The following SIGLEC7 variants were observed in gnomAD, a reference collection of about 807,000 sequenced individuals.
SIGLEC7 encodes sialic acid binding Ig like lectin 7, also known as sialic acid-binding Ig-like lectin 7.
Under a neutral mutation model 40.8 loss-of-function variants are expected in SIGLEC7, and 33 were observed. The ratio of observed to expected loss-of-function variants is 0.81; its 90% CI spans 0.61 to 1.08. SIGLEC7 has a LOEUF of 1.08. SIGLEC7 is among the 50% of genes least tolerant of loss of function. The probability of loss-of-function intolerance (pLI) is 0.00; values close to 1 mark genes in which losing one functional copy is unlikely to be tolerated. For synonymous variants in SIGLEC7, 242 were observed against 237.6 expected, an observed-to-expected ratio of 1.02 and a Z score of -0.17; for missense variants, 513 against 576.1, an observed-to-expected ratio of 0.89 and a Z score of 1.12.
chr19:51,143,244 C>CACA (rs2092082117), intron 1 of SIGLEC7, among the ~76,000 whole-genome samples: 1 of 152,104 alleles, frequency 6.6e-6, no homozygotes, highest in South Asian at 2.1e-4. Context: ...CTTAGGTCTA[C>CACA]ACAACCCCGT....
intron 1 of SIGLEC7, among the ~76,000 whole-genome samples, chr19:51,143,385 T>C (rs553324284): frequency 6.6e-6 from 1 of 152,102 alleles, no homozygotes; most frequent in African/African-American, 2.4e-5. Context: ...TCCTCGGAGA[T>C]CCACATTTAG....
Position 51,146,130 on chromosome 19 carries a change from G to A in SIGLEC7, c.1027+9G>A, listed in dbSNP as rs200436003. 8.1e-6 allele frequency: 13 copies of A among 1,612,246 alleles called. No homozygotes were observed. In the East Asian group the frequency reaches 1.6e-4, roughly 19 times the overall value. ...GCAACAGGAGTACACAGGTGGGTAA[G>A]GGAGGGGCTGGAGGAGGAGAACACA... On this transcript the variant is annotated intron_variant, in intron 4 of 6. Transcript: ENST00000317643.
In SIGLEC7 at chr19:51,144,912, A is replaced by C. The variant is rs1382093913; in HGVS notation, c.713A>C (p.Tyr238Ser). The change falls in exon 3 of 7, where the codon TAC (tyrosine) becomes TCC (serine). Residue 238 changes from tyrosine (Y) to serine (S), a missense_variant and splice_region_variant. Transcript: ENST00000317643. ...TNRTIQLNVSYPPQNLTVTVF... is the reference protein window; with the variant it reads ...TNRTIQLNVSSPPQNLTVTVF... ...AGGTCTCCATGTCTTTCTGTCCCAG[A>C]CCCTCCTCAGAACTTGACTGTGACT... The C allele has an allele frequency of 1.2e-6, 2 of 1,613,710 alleles. No homozygotes were observed. The highest frequency in any genetic ancestry group is 1.7e-6 in the Non-Finnish European group (2 of 1,179,876).
intron 6 of SIGLEC7, among the ~76,000 whole-genome samples, 165 bp downstream of exon 6, chr19:51,147,482 G>A (rs562189160): frequency 2.0e-5 from 3 of 152,264 alleles, no homozygotes; most frequent in South Asian, 4.1e-4. Flanking sequence ...CTGACTGCAT[G>A]ACAGTCCCTC....
chr19:51,149,944 G>C (rs1010412948), intron 6 of SIGLEC7, among the ~76,000 whole-genome samples: 3 of 152,116 alleles, frequency 2.0e-5, no homozygotes, highest in African/African-American at 7.2e-5. Flanking sequence ...TGTGACTCTT[G>C]GCTTGGTAGT....
chr19:51,142,891 G>GT lies in SIGLEC7; in HGVS notation c.433+89_433+90insT. On this transcript the variant is annotated intron_variant, in intron 1 of 6. Coordinates refer to ENST00000317643, the MANE Select transcript of SIGLEC7 (RefSeq NM_014385.4). This position sits in a 1 kb window ranked among gnomAD's most constrained non-coding sequence, Gnocchi z 5.0. ...GACGGGACACATGTCCTGGGAGGGGGCCGGGGGTGATGGACTCAGGAGAGG... is the reference window on the plus strand; with the variant it reads ...GACGGGACACATGTCCTGGGAGGGGGTCCGGGGGTGATGGACTCAGGAGAGG... The GT allele has an allele frequency of 1.4e-6, 2 of 1,384,874 alleles. No individual in the cohort carries two copies. The highest frequency in any genetic ancestry group is 1.4e-5 in the South Asian group (1 of 72,186). 85.8% of individuals were successfully genotyped at this position (1,384,874 alleles called of 1,614,324 possible). A position where few individuals can be genotyped will look rare whatever the true frequency, so the allele number is the denominator to read the frequency against.
At chr19:51,143,852 A>G in intron 1 of SIGLEC7, 1 of 432,950 alleles carries the variant, frequency 2.3e-6, no homozygotes, top group Non-Finnish European at 4.6e-6. Flanking sequence ...GTCAAGATAC[A>G]GGCTGGAGGT....
In SIGLEC7 at chr19:51,142,930, C is replaced by A. The variant is rs3793436; in HGVS notation, c.433+128C>A. On this transcript the variant is annotated intron_variant, in intron 1 of 6. Transcript: ENST00000317643. The surrounding 1 kb of genome is among the most constrained non-coding windows in gnomAD (Gnocchi z 5.0). ...ACTCAGGAGAGGAGCTGGACCAGAGCCTGAGCTTCCCCAGGACCGCACCTT... is the reference window on the plus strand; with the variant it reads ...ACTCAGGAGAGGAGCTGGACCAGAGACTGAGCTTCCCCAGGACCGCACCTT... 46,348 of 1,040,990 alleles carry A rather than the reference C, an allele frequency of 0.045. 1,890 individuals are homozygous for A. The highest frequency in any genetic ancestry group is 0.18 in the East Asian group (7,561 of 41,372). 64.5% of individuals were successfully genotyped at this position (1,040,990 alleles called of 1,614,324 possible).
Position 51,144,938 on chromosome 19 carries a change from G to T in SIGLEC7, c.739G>T (p.Val247Phe). Reference protein sequence around the residue: ...SYPPQNLTVTVFQGEGTASTA... With the variant: ...SYPPQNLTVTFFQGEGTASTA... ...CCCTCCTCAGAACTTGACTGTGACT[G>T]TCTTCCAAGGAGAAGGCACAGGTAG... Residue 247 changes from valine (V) to phenylalanine (F), a missense_variant, in exon 3 of 7, where the codon GTC becomes TTC. Coordinates refer to ENST00000317643, the MANE Select transcript of SIGLEC7 (RefSeq NM_014385.4). 1 of 1,614,112 alleles carries T rather than the reference G, an allele frequency of 6.2e-7. No homozygotes were observed. The highest frequency in any genetic ancestry group is 8.5e-7 in the Non-Finnish European group (1 of 1,179,978).
intron 6 of SIGLEC7, among the ~76,000 whole-genome samples, chr19:51,148,334 C>T (rs2092122836): frequency 6.6e-6 from 1 of 152,152 alleles, no homozygotes. Context: ...CCTCTCTCTC[C>T]TCCCACCCTC....
At chr19:51,152,093 G>A (rs1203474536) in intron 6 of SIGLEC7, among the ~76,000 whole-genome samples, 1 of 152,204 alleles carries the variant, frequency 6.6e-6, no homozygotes, top group African/African-American at 2.4e-5. Context: ...CCAAAATCAA[G>A]GCATTGGCAG....
At chr19:51,147,707 C>T (rs2092118702) in intron 6 of SIGLEC7, among the ~76,000 whole-genome samples, 1 of 152,158 alleles carries the variant, frequency 6.6e-6, no homozygotes, top group South Asian at 2.1e-4. Context: ...CTCTTGTGTC[C>T]CCTGCCCTGA....
chr19:51,148,653 T>C (rs908051646), intron 6 of SIGLEC7, among the ~76,000 whole-genome samples: 6 of 152,232 alleles, frequency 3.9e-5, no homozygotes, highest in Non-Finnish European at 5.9e-5. Flanking sequence ...GAACATTTGC[T>C]TGTATGTGTC....
In SIGLEC7 at chr19:51,144,392, C is replaced by T. The variant is rs979230681; in HGVS notation, c.434-14C>T. 4 of 1,596,738 alleles carry T rather than the reference C, an allele frequency of 2.5e-6. No homozygotes were observed. Among genetic ancestry groups the T allele is most frequent in the African/African-American group, 2.7e-5 (2 of 74,726 alleles). On this transcript the variant is annotated splice_polypyrimidine_tract_variant and intron_variant, in intron 1 of 6. Coordinates refer to ENST00000317643, the MANE Select transcript of SIGLEC7 (RefSeq NM_014385.4). ...ATCCTCTGTCCTGATCCTGAGTCCC[C>T]CTCTCTTCACCAGCCTTGACCCACA...
Position 51,147,210 on chromosome 19 carries a change from T to C in SIGLEC7, c.1125-11T>C. 1 of 1,611,930 alleles carries C rather than the reference T, an allele frequency of 6.2e-7. No homozygotes were observed. The highest frequency in any genetic ancestry group is 1.3e-5 in the African/African-American group (1 of 74,960). ...GACCACACTGAAAGGCTCTCTGGTC[T>C]CTTCACTCAGAGTGAGGTCCTGCAG... is the stretch of plus-strand genomic sequence containing the variant. On this transcript the variant is annotated splice_polypyrimidine_tract_variant and intron_variant, in intron 5 of 6. Coordinates refer to ENST00000317643, the MANE Select transcript of SIGLEC7 (RefSeq NM_014385.4).
intron 5 of SIGLEC7, 92 bp from the exon 6 acceptor site, chr19:51,147,129 A>G: frequency 6.3e-7 from 1 of 1,579,420 alleles, no homozygotes. Flanking sequence ...TTACCCCTCC[A>G]GCGCCCCAAC....
Position 51,142,580 on chromosome 19 carries a change from G to A in SIGLEC7, c.211G>A (p.Asp71Asn). The change falls in exon 1 of 7, where the codon GAT (aspartate) becomes AAT (asparagine). Residue 71 changes from aspartate to asparagine, a missense_variant. Asp to Asn is a conservative substitution (Grantham distance 23). Coordinates refer to ENST00000317643, the MANE Select transcript of SIGLEC7 (RefSeq NM_014385.4). The surrounding 1 kb of genome is among the most constrained non-coding windows in gnomAD (Gnocchi z 5.0). ...VHGYWFRAGN[D>N]ISWKAPVATN... ...TGGCTACTGGTTCCGGGCAGGGAATGATATAAGCTGGAAGGCTCCAGTGGC... is the reference window on the plus strand; with the variant it reads ...TGGCTACTGGTTCCGGGCAGGGAATAATATAAGCTGGAAGGCTCCAGTGGC... The A allele has an allele frequency of 1.2e-6, 2 of 1,614,172 alleles. No individual in the cohort carries two copies. Among genetic ancestry groups the A allele is most frequent in the Middle Eastern group, 3.3e-4 (2 of 6,062 alleles).
At chr19:51,143,983 C>G in intron 1 of SIGLEC7, 1 of 486,422 alleles carries the variant, frequency 2.1e-6, no homozygotes, top group Admixed American at 2.4e-5. Context: ...AGAAAGGGAT[C>G]AATATACAAT....
At chr19:51,144,383 C>T in intron 1 of SIGLEC7, 23 bp from the exon 2 acceptor site, 1 of 1,588,476 alleles carries the variant, frequency 6.3e-7, no homozygotes, top group Admixed American at 1.7e-5. Context: ...TGTCCTGATC[C>T]TGAGTCCCCC....
Sources: allele counts gnomAD v4.1 joint callset (sites outside exome capture counted in the v4.1 genomes callset), GRCh38; gene constraint gnomAD v4.1.1; non-coding constraint Gnocchi (gnomAD v3.1); transcripts MANE v1.5; gene names NCBI Gene and HGNC (gene_info 2026-07-23, HGNC 2026-07-21).